MCF2L2: variants seen among roughly 807,000 people sequenced by gnomAD.
The protein encoded by MCF2L2 is probable guanine nucleotide exchange factor MCF2L2.
A neutral mutation model predicts 150.2 loss-of-function variants in MCF2L2; 102 were observed. That is an observed-to-expected ratio of 0.68 (90% CI 0.58 to 0.80). The LOEUF (loss-of-function observed/expected upper bound fraction) is 0.80, where lower values mean the gene tolerates loss of function less well. MCF2L2 is among the 30% of genes least tolerant of loss of function. The probability of loss-of-function intolerance (pLI) is 0.00; values close to 1 mark genes in which losing one functional copy is unlikely to be tolerated. For synonymous variants in MCF2L2, 465 were observed against 491.3 expected (o/e 0.95, Z 0.71); for missense variants, 1,256 against 1,372.8 (o/e 0.91, Z 1.34).
chr3:183,287,934 T>C (rs1317427837), intron 14 of MCF2L2: 2 of 152,244 alleles, frequency 1.3e-5, no homozygotes, highest in African/African-American at 4.8e-5. Context: ...TCATAAATGT[T>C]GCTGAAGTTC....
intron 22 of MCF2L2, among the ~76,000 whole-genome samples, chr3:183,212,603 C>G (rs1722771537): frequency 6.6e-6 from 1 of 152,154 alleles, no homozygotes; most frequent in African/African-American, 2.4e-5. Context: ...TCTAGGGAAG[C>G]TGGCCTCAGC....
intron 14 of MCF2L2, among the ~76,000 whole-genome samples, chr3:183,279,795 CCGAGGCGAGTGGATCA>C (rs1178114794): frequency 1.3e-5 from 2 of 152,216 alleles, no homozygotes; most frequent in Non-Finnish European, 2.9e-5. Flanking sequence ...CTTCGGGAGG[CCGAGGCGAGTGGATCA>C]CGAGGTCAAG....
intron 5 of MCF2L2, among the ~76,000 whole-genome samples, chr3:183,323,985 C>T (rs372092390): frequency 5.8e-4 from 88 of 152,176 alleles, no homozygotes; most frequent in African/African-American, 2.0e-3. Flanking sequence ...TCATAAGTTC[C>T]CAAGCTAAGG....
intron 2 of MCF2L2, among the ~76,000 whole-genome samples, chr3:183,388,644 T>A (rs980509543): frequency 2.6e-5 from 4 of 152,220 alleles, no homozygotes; most frequent in Admixed American, 2.6e-4. Flanking sequence ...CCTGTATTTA[T>A]GGAGCTTTCA....
chr3:183,375,593 T>G (rs1713148399), intron 3 of MCF2L2: 1 of 152,180 alleles, frequency 6.6e-6, no homozygotes, highest in Admixed American at 6.5e-5. Context: ...TGCTGTGGGC[T>G]CTCATAGAGG....
chr3:183,242,395 G>A (rs1403717266), intron 15 of MCF2L2, among the ~76,000 whole-genome samples: 4 of 152,218 alleles, frequency 2.6e-5, no homozygotes, highest in Non-Finnish European at 5.9e-5. Context: ...AGGAAAAAGT[G>A]GTTTTGTGGG....
chr3:183,328,229 TG>T (rs1730128772), intron 5 of MCF2L2, among the ~76,000 whole-genome samples: 1 of 152,224 alleles, frequency 6.6e-6, no homozygotes, highest in Non-Finnish European at 1.5e-5. Context: ...TGGCTGTTCC[TG>T]AGTTATATCC....
Position 183,383,214 on chromosome 3 carries a change from T to G in MCF2L2, c.161-3803A>C, listed in dbSNP as rs1055595551. 2.0e-4 allele frequency among the ~76,000 whole-genome samples: 30 copies of G among 148,902 alleles called. 1 individual carries two copies. Among genetic ancestry groups the G allele is most frequent in the Non-Finnish European group, 1.5e-5 (1 of 66,366 alleles). On this transcript the variant is annotated intron_variant, in intron 2 of 29. Coordinates refer to ENST00000328913, the MANE Select transcript of MCF2L2 (RefSeq NM_015078.4). ...AAATAATCATAAAGAATTTTTATAT[T>G]TATTTATTTATTTTATTTATTTATT...
chr3:183,221,041 C>T (rs1196486956), intron 20 of MCF2L2, among the ~76,000 whole-genome samples: 2 of 152,204 alleles, frequency 1.3e-5, no homozygotes, highest in Admixed American at 6.5e-5. Context: ...CATGCTCTTT[C>T]AAGCCAGCAC....
In MCF2L2 at chr3:183,371,631, A is replaced by G. The variant is rs1712889585; in HGVS notation, c.275+7666T>C. 3.0e-5 allele frequency among the ~76,000 whole-genome samples: 4 copies of G among 131,180 alleles called. No homozygotes were observed. In the South Asian group the frequency reaches 9.1e-4, roughly 30 times the overall value. 86.1% of individuals were successfully genotyped at this position (131,180 alleles called of 152,430 possible). On this transcript the variant is annotated intron_variant, in intron 3 of 29. Coordinates refer to ENST00000328913, the MANE Select transcript of MCF2L2 (RefSeq NM_015078.4). ...TACAGGCTTATGCCACCAGGCCCAG[A>G]TAATTTTTCTTTTTTTTTTTTTTTT...
At position 183,216,017 on chromosome 3, in the gene MCF2L2, G is replaced by T. The variant is rs774761248; in HGVS notation, c.2448C>A (p.Ile816=). Residue 816 remains isoleucine, a synonymous_variant, in exon 22 of 30, where the codon ATC becomes ATA. Coordinates refer to ENST00000328913, the MANE Select transcript of MCF2L2 (RefSeq NM_015078.4). The part of the protein sequence containing the change: ...QQALAVIEDL[I]KSCELAVDLA... The stretch of plus-strand genomic sequence containing the variant: ...GGTCCACAGCCAACTCACAGGACTT[G>T]ATCAAATCCTCTATCACTGCCAAAG... The T allele has an allele frequency of 5.0e-6, 8 of 1,614,000 alleles. No homozygotes were observed. In the South Asian group the frequency reaches 8.8e-5, roughly 18 times the overall value.
intron 22 of MCF2L2, among the ~76,000 whole-genome samples, chr3:183,211,146 A>AG (rs1047750336): frequency 1.3e-5 from 2 of 152,082 alleles, no homozygotes; most frequent in East Asian, 3.9e-4. Flanking sequence ...AGGTGGTAAG[A>AG]GGGGGGGCGA....
At chr3:183,416,465 A>T (rs1319239541) in intron 1 of MCF2L2, among the ~76,000 whole-genome samples, 87 of 152,290 alleles carry the variant, frequency 5.7e-4, no homozygotes, top group African/African-American at 2.1e-3. Flanking sequence ...ATATATACCC[A>T]ACAGTACATT....
chr3:183,288,105 TA>T (rs34195700), intron 14 of MCF2L2, among the ~76,000 whole-genome samples: 2 of 152,244 alleles, frequency 1.3e-5, no homozygotes, highest in African/African-American at 4.8e-5. Flanking sequence ...TATGTTACTT[TA>T]AAATTATACA....
At chr3:183,230,072 G>C (rs996729138) in intron 16 of MCF2L2, among the ~76,000 whole-genome samples, 2 of 152,078 alleles carry the variant, frequency 1.3e-5, no homozygotes, top group Non-Finnish European at 2.9e-5. Flanking sequence ...AAGGGAAAAT[G>C]TACCCACTGT....
intron 14 of MCF2L2, among the ~76,000 whole-genome samples, chr3:183,277,496 A>G (rs2108460268): frequency 6.6e-6 from 1 of 151,894 alleles, no homozygotes; most frequent in South Asian, 2.1e-4. Context: ...GGTCTGGAAA[A>G]GTTGCACTCG....
chr3:183,345,384 A>G (rs1730859659), intron 3 of MCF2L2, among the ~76,000 whole-genome samples: 1 of 152,214 alleles, frequency 6.6e-6, no homozygotes, highest in African/African-American at 2.4e-5. Flanking sequence ...GAACAAAGAC[A>G]CAATGTACCA....
intron 10 of MCF2L2, among the ~76,000 whole-genome samples, chr3:183,307,842 C>T (rs1729173690): frequency 6.6e-6 from 1 of 152,244 alleles, no homozygotes; most frequent in Admixed American, 6.5e-5. Context: ...TCTCTGTTCA[C>T]TCATTTCCTC....
chr3:183,396,114 C>T lies in MCF2L2; in HGVS notation c.77-6335G>A, dbSNP rs577571439. On this transcript the variant is annotated intron_variant, in intron 1 of 29. Coordinates refer to ENST00000328913, the MANE Select transcript of MCF2L2 (RefSeq NM_015078.4). ...TGCCCTGGGCACTCATGGTCCAGTGCTCAATGCTGGCAGGTGCACATAGCC... is the reference window on the plus strand; with the variant it reads ...TGCCCTGGGCACTCATGGTCCAGTGTTCAATGCTGGCAGGTGCACATAGCC... Among the ~76,000 whole-genome samples the T allele has an allele frequency of 4.3e-4, 65 of 151,928 alleles. 1 individual carries two copies. In the South Asian group the frequency reaches 0.013, roughly 31 times the overall value.
Sources: allele counts gnomAD v4.1 joint callset (sites outside exome capture counted in the v4.1 genomes callset), GRCh38; gene constraint gnomAD v4.1.1; transcripts MANE v1.5; gene names NCBI Gene and HGNC (gene_info 2026-07-23, HGNC 2026-07-21).